The following DOCK9 variants were observed in gnomAD, a reference collection of about 807,000 sequenced individuals.
DOCK9 encodes dedicator of cytokinesis 9, also known as dedicator of cytokinesis protein 9.
DOCK9 carries 89 observed loss-of-function variants against 263.3 expected under a neutral mutation model. The observed-to-expected ratio is 0.34, with a 90% CI of 0.28 to 0.40. DOCK9 has a LOEUF of 0.40. Among genes scored for constraint, DOCK9 ranks in the 10% least tolerant of loss-of-function variants. The pLI is 1.00. For missense variants in DOCK9, 2,140 were observed against 2,603.4 expected, an observed-to-expected ratio of 0.82 and a Z score of 3.87; for synonymous variants, 976 against 973.1, an observed-to-expected ratio of 1.00 and a Z score of -0.06.
chr13:98,848,920 C>T (rs1225969314), intron 36 of DOCK9, among the ~76,000 whole-genome samples: 1 of 152,088 alleles, frequency 6.6e-6, no homozygotes, highest in Non-Finnish European at 1.5e-5. Context: ...CCGACAGGAT[C>T]GTCCATCGAC....
intron 9 of DOCK9, among the ~76,000 whole-genome samples, chr13:98,911,245 G>C (rs1451086292): frequency 2.0e-5 from 3 of 152,124 alleles, no homozygotes; most frequent in Admixed American, 2.0e-4. Flanking sequence ...GAAAGCCAGG[G>C]GGAAAGAGTA....
chr13:98,902,464 G>A lies in DOCK9; in HGVS notation c.1204C>T (p.Leu402=). The change falls in exon 12 of 53, where the codon CTG becomes TTG. Residue 402 remains leucine, a synonymous_variant. Coordinates refer to ENST00000682017, the MANE Select transcript of DOCK9 (RefSeq NM_001366683.2). ...NVEPFFVTLS[L]FDIKYNRKIS... is the part of the protein sequence containing the mutation. The stretch of plus-strand genomic sequence containing the variant: ...TTCCGGTTGTATTTTATGTCAAACA[G>A]GGATAGAGTAACAAAGAAAGGTTCA... 1 of 1,613,954 alleles carries A rather than the reference G, an allele frequency of 6.2e-7. No individual in the cohort carries two copies. Among genetic ancestry groups the A allele is most frequent in the African/African-American group, 1.3e-5 (1 of 75,038 alleles).
intron 39 of DOCK9, among the ~76,000 whole-genome samples, chr13:98,835,271 A>G (rs1449799952): frequency 1.3e-5 from 2 of 152,212 alleles, no homozygotes; most frequent in Non-Finnish European, 2.9e-5. Context: ...ATATCAGCTC[A>G]CTCACTGTTA....
rs768348816 is a variant in DOCK9 at position 99,038,282 on chromosome 13, GCC to G, written c.129+47939_129+47940del. Among the ~76,000 whole-genome samples the G allele has an allele frequency of 6.0e-3, 430 of 72,140 alleles. 9 individuals carry two copies. Among genetic ancestry groups the G allele is most frequent in the South Asian group, 0.023 (35 of 1,500 alleles). The allele number at this position is 72,140 out of a possible 152,430, so 47.3% of individuals were successfully genotyped here. A position where few individuals can be genotyped will look rare whatever the true frequency, so the allele number is the denominator to read the frequency against. On this transcript the variant is annotated intron_variant, in intron 1 of 32. Coordinates refer to the DOCK9 transcript ENST00000427887. Reference sequence around the variant, plus strand: ...TATTAAGCTGAAAAACTGGCTTTATGCCCCCCTTTTTTTTTTTTTTTTTTTTT... The same window carrying G: ...TATTAAGCTGAAAAACTGGCTTTATGCCCCTTTTTTTTTTTTTTTTTTTTT...
At chr13:98,851,311 G>C (rs938398380) in intron 35 of DOCK9, among the ~76,000 whole-genome samples, 1 of 152,214 alleles carries the variant, frequency 6.6e-6, no homozygotes, top group East Asian at 1.9e-4. Context: ...TATTAGACCA[G>C]TAATAAGGGT....
intron 1 of DOCK9, among the ~76,000 whole-genome samples, chr13:99,047,067 A>G (rs2040467107): frequency 8.1e-6 from 1 of 122,920 alleles, no homozygotes; most frequent in Non-Finnish European, 1.6e-5. Context: ...CATCTGTGCA[A>G]TTTTTGGTGG....
In DOCK9 at chr13:98,833,424, A is replaced by G. The variant is rs375405567; in HGVS notation, c.4315-1638T>C. 3.3e-5 allele frequency among the ~76,000 whole-genome samples: 5 copies of G among 152,314 alleles called. No individual in the cohort carries two copies. The East Asian group carries it at 7.7e-4, about 23-fold the overall frequency. On this transcript the variant is annotated intron_variant, in intron 39 of 52. Coordinates refer to ENST00000682017, the MANE Select transcript of DOCK9 (RefSeq NM_001366683.2). ...CTATCCAGGAGATACGGTTTCTACA[A>G]AAATTCCCAAGCTTCCAAGTTCTGC... is the stretch of plus-strand genomic sequence containing the variant.
At chr13:98,881,483 G>A in intron 25 of DOCK9, 75 bp downstream of exon 25, 1 of 1,219,014 alleles carries the variant, frequency 8.2e-7, no homozygotes, top group Non-Finnish European at 1.2e-6. Flanking sequence ...AACCAGGCTT[G>A]TGAAAAAATA....
intron 2 of DOCK9, among the ~76,000 whole-genome samples, chr13:98,931,292 A>ATTTAC (rs1555409735): frequency 1.3e-5 from 2 of 148,500 alleles, no homozygotes; most frequent in Non-Finnish European, 3.0e-5. Context: ...TAATTTTTTT[A>ATTTAC]TTTATTTTAT....
intron 1 of DOCK9, among the ~76,000 whole-genome samples, chr13:99,039,249 T>C (rs1888233336): frequency 6.6e-6 from 1 of 152,218 alleles, no homozygotes; most frequent in Non-Finnish European, 1.5e-5. Flanking sequence ...AACTCTACCA[T>C]ACATAAGGCA....
intron 1 of DOCK9, among the ~76,000 whole-genome samples, chr13:99,002,760 G>A (rs1003266761): frequency 6.6e-6 from 1 of 152,178 alleles, no homozygotes; most frequent in South Asian, 2.1e-4. Flanking sequence ...CTGACACGCA[G>A]GACTCTGTGG....
intron 2 of DOCK9, among the ~76,000 whole-genome samples, chr13:98,949,372 C>T (rs1428899388): frequency 6.6e-6 from 1 of 152,206 alleles, no homozygotes; most frequent in East Asian, 1.9e-4. Flanking sequence ...TCCACTGTTA[C>T]AGGAGTCTTA....
chr13:99,003,696 A>G (rs1882807320), intron 1 of DOCK9, among the ~76,000 whole-genome samples: 1 of 151,338 alleles, frequency 6.6e-6, no homozygotes, highest in Non-Finnish European at 1.5e-5. Context: ...CTCATTTAAC[A>G]CTCTCTTAAA....
intron 1 of DOCK9, among the ~76,000 whole-genome samples, chr13:98,970,114 C>T (rs1358645294): frequency 6.6e-6 from 1 of 151,574 alleles, no homozygotes; most frequent in East Asian, 1.9e-4. Flanking sequence ...CCCGCCTCAT[C>T]TTCCCAAATA....
chr13:98,915,217 G>T, intron 8 of DOCK9, 112 bp downstream of exon 8: 1 of 1,016,374 alleles, frequency 9.8e-7, no homozygotes, highest in Non-Finnish European at 1.4e-6. Context: ...GCTCCTATCC[G>T]TCCCACCTCT....
At chr13:98,943,377 C>G (rs1246220684) in intron 2 of DOCK9, among the ~76,000 whole-genome samples, 1 of 152,172 alleles carries the variant, frequency 6.6e-6, no homozygotes, top group African/African-American at 2.4e-5. Context: ...CTAGGCAACC[C>G]TGGTAGAAAA....
chr13:99,087,236 C>G (rs1308063321), upstream of DOCK9, among the ~76,000 whole-genome samples: 1 of 152,152 alleles, frequency 6.6e-6, no homozygotes, highest in Non-Finnish European at 1.5e-5. Flanking sequence ...TCCCCGGAGG[C>G]ACGGAGCTCG....
intron 15 of DOCK9, 108 bp from the exon 16 acceptor site, chr13:98,888,819 T>G (rs1212687329): frequency 3.3e-6 from 3 of 921,608 alleles, no homozygotes; most frequent in Non-Finnish European, 1.7e-6. Context: ...AAAGACAATT[T>G]TAAACATTCT....
intron 1 of DOCK9, among the ~76,000 whole-genome samples, chr13:99,026,989 G>A (rs1595935843): frequency 6.6e-6 from 1 of 152,112 alleles, no homozygotes; most frequent in East Asian, 1.9e-4. Context: ...GCACAGAACT[G>A]AGTCACATGG....
Sources: gnomAD v4.1 joint callset for allele counts (sites outside exome capture counted in the v4.1 genomes callset) on GRCh38, gnomAD v4.1.1 for gene constraint, MANE v1.5 for transcripts, NCBI Gene and HGNC (gene_info 2026-07-23, HGNC 2026-07-21) for gene names.